WSB2: variants seen among roughly 807,000 people sequenced by gnomAD.
WSB2 encodes WD repeat and SOCS box containing 2, also known as WD repeat and SOCS box-containing protein 2.
WSB2 carries 12 observed loss-of-function variants against 48.8 expected under a neutral mutation model. That is an observed-to-expected ratio of 0.25 (90% CI 0.16 to 0.40). WSB2 has a LOEUF of 0.40. WSB2 is among the 10% of genes least tolerant of loss of function. WSB2 has a pLI of 1.00. For synonymous variants in WSB2, 191 were observed against 203.1 expected, an observed-to-expected ratio of 0.94 and a Z score of 0.51; for missense variants, 317 against 506.2, an observed-to-expected ratio of 0.63 and a Z score of 3.59.
intron 8 of WSB2, chr12:118,034,584 T>TCTCTCTCTCTCTCTCTCTCTC: frequency 3.8e-6 from 2 of 521,410 alleles, no homozygotes; most frequent in Non-Finnish European, 3.3e-6. Flanking sequence ...GCTCTCTCTG[T>TCTCTCTCTCTCTCTCTCTCTC]CTCTCTCTCG....
intron 3 of WSB2, 54 bp downstream of exon 3, chr12:118,043,079 T>C: frequency 1.2e-6 from 2 of 1,613,828 alleles, no homozygotes; most frequent in Non-Finnish European, 1.7e-6. Flanking sequence ...GGCGACATAG[T>C]CAGAACATGC....
intron 4 of WSB2, among the ~76,000 whole-genome samples, chr12:118,040,670 A>AG (rs1566137498): frequency 6.6e-6 from 1 of 151,002 alleles, no homozygotes; most frequent in African/African-American, 2.4e-5. Flanking sequence ...AAAAAAAAAA[A>AG]GAGGCACTGC....
chr12:118,042,529 AT>A (rs1250559622), intron 4 of WSB2: 6 of 258,660 alleles, frequency 2.3e-5, no homozygotes, highest in Non-Finnish European at 3.7e-5. Context: ...AGCCAAAAAA[AT>A]CTTAACATTT....
intron 1 of WSB2, among the ~76,000 whole-genome samples, chr12:118,053,276 C>T (rs1196634162): frequency 6.6e-6 from 1 of 152,158 alleles, no homozygotes; most frequent in Non-Finnish European, 1.5e-5. Context: ...GCAGGCCACA[C>T]TCTGGCCACA....
At chr12:118,055,911 G>GT (rs11308776) in intron 1 of WSB2, among the ~76,000 whole-genome samples, 691 of 144,964 alleles carry the variant, frequency 4.8e-3, no homozygotes, top group Non-Finnish European at 6.3e-3. Context: ...CACCACGTCT[G>GT]TTTTTTTTTT....
At chr12:118,050,098 G>T (rs1338520776) in intron 2 of WSB2, among the ~76,000 whole-genome samples, 1 of 152,100 alleles carries the variant, frequency 6.6e-6, no homozygotes, top group Non-Finnish European at 1.5e-5. Context: ...TACTCAGGAG[G>T]CTGAGGCAGG....
chr12:118,060,475 A>G lies in WSB2; in HGVS notation c.13+561T>C, dbSNP rs1566145104. Reference sequence around the variant, plus strand: ...TGGGAATAGATTGTTTCAATAGGGAACCCAGACCCCAGACCCCATTTTTAC... The same window carrying G: ...TGGGAATAGATTGTTTCAATAGGGAGCCCAGACCCCAGACCCCATTTTTAC... On this transcript the variant is annotated intron_variant, in intron 1 of 8. Coordinates refer to ENST00000315436, the MANE Select transcript of WSB2 (RefSeq NM_018639.5). This position sits in a 1 kb window ranked among gnomAD's most constrained non-coding sequence, Gnocchi z 4.1. Among the ~76,000 whole-genome samples the G allele has an allele frequency of 1.3e-5, 2 of 152,060 alleles. No individual in the cohort carries two copies. The highest frequency in any genetic ancestry group is 2.9e-5 in the Non-Finnish European group (2 of 67,988).
intron 1 of WSB2, among the ~76,000 whole-genome samples, chr12:118,058,463 C>T (rs1407767904): frequency 6.6e-6 from 1 of 151,876 alleles, no homozygotes; most frequent in East Asian, 1.9e-4. Flanking sequence ...ATCCTCCCAT[C>T]TCAGCCTCCC....
At chr12:118,061,425 G>A (rs1236740468), upstream of WSB2, among the ~76,000 whole-genome samples, 1 of 149,964 alleles carries the variant, frequency 6.7e-6, no homozygotes, top group African/African-American at 2.5e-5. Flanking sequence ...ACGGGGTGGG[G>A]CGCGAACGGG....
Position 118,036,321 on chromosome 12 carries a change from A to G in WSB2, c.833+17T>C. On this transcript the variant is annotated intron_variant, in intron 6 of 8. Transcript: ENST00000315436. Reference sequence around the variant, plus strand: ...AGTCCCCCCACAAAAAAGTCATAGCAGGGATTCAGTCCTTACTGGAGTGAC... The same window carrying G: ...AGTCCCCCCACAAAAAAGTCATAGCGGGGATTCAGTCCTTACTGGAGTGAC... The G allele has an allele frequency of 1.9e-6, 3 of 1,606,014 alleles. No individual in the cohort carries two copies. Among genetic ancestry groups the G allele is most frequent in the Non-Finnish European group, 2.6e-6 (3 of 1,174,484 alleles).
chr12:118,037,701 A>T (rs903307572), intron 5 of WSB2, among the ~76,000 whole-genome samples: 1 of 151,920 alleles, frequency 6.6e-6, no homozygotes, highest in Non-Finnish European at 1.5e-5. Context: ...AAGAAAAGAA[A>T]ACCCTCCAAA....
chr12:118,038,461 G>C, intron 4 of WSB2, 73 bp from the exon 5 acceptor site: 1 of 1,431,150 alleles, frequency 7.0e-7, no homozygotes, highest in Non-Finnish European at 9.7e-7. Context: ...GGAGAACTGG[G>C]GTGGTAACAG....
At chr12:118,036,305 AC>A (rs1348925676) in intron 6 of WSB2, 32 bp downstream of exon 6, 1 of 1,599,100 alleles carries the variant, frequency 6.3e-7, no homozygotes, top group South Asian at 1.1e-5. Context: ...CAGTCCCCCC[AC>A]AAAAAAGTCA....
intron 2 of WSB2, among the ~76,000 whole-genome samples, chr12:118,047,379 T>C (rs2031765963): frequency 1.3e-5 from 2 of 152,134 alleles, no homozygotes; most frequent in East Asian, 1.9e-4. Flanking sequence ...GCAAGACAGA[T>C]TCATTGGCAG....
In WSB2 at chr12:118,034,009, A is replaced by T; in HGVS notation, c.*187T>A. On this transcript the variant is annotated 3_prime_UTR_variant, in exon 9 of 9. Transcript: ENST00000315436. Reference sequence around the variant, plus strand: ...AGTGGAATCTCTTCCTCTAAGACTGACTTTCACATGCCAGGGAGAGAAAGA... The same window carrying T: ...AGTGGAATCTCTTCCTCTAAGACTGTCTTTCACATGCCAGGGAGAGAAAGA... The T allele has an allele frequency of 1.3e-6, 1 of 754,970 alleles. No individual in the cohort carries two copies. Among genetic ancestry groups the T allele is most frequent in the Non-Finnish European group, 2.1e-6 (1 of 470,144 alleles). The allele number at this position is 754,970 out of a possible 1,614,324, so 46.8% of individuals were successfully genotyped here.
intron 1 of WSB2, among the ~76,000 whole-genome samples, chr12:118,056,877 G>A (rs1372951395): frequency 6.6e-6 from 1 of 152,034 alleles, no homozygotes; most frequent in African/African-American, 2.4e-5. Flanking sequence ...CTCCAGCCTG[G>A]GTGACAGAGC....
chr12:118,034,170 C>A lies in WSB2; in HGVS notation c.*26G>T. The A allele has an allele frequency of 6.2e-7, 1 of 1,613,620 alleles. No homozygotes were observed. Among genetic ancestry groups the A allele is most frequent in the Non-Finnish European group, 8.5e-7 (1 of 1,179,660 alleles). ...TTTGACAGGACGATTTACCCTGCTA[C>A]AAAGAAGCACAAGATGTGGTGTTGC... is the stretch of plus-strand genomic sequence containing the variant. On this transcript the variant is annotated 3_prime_UTR_variant, in exon 9 of 9. Transcript: ENST00000315436.
At chr12:118,040,894 A>G (rs1322956235) in intron 4 of WSB2, among the ~76,000 whole-genome samples, 1 of 152,168 alleles carries the variant, frequency 6.6e-6, no homozygotes, top group Non-Finnish European at 1.5e-5. Context: ...CTAAAAATAC[A>G]AAACATTAGC....
intron 2 of WSB2, among the ~76,000 whole-genome samples, chr12:118,048,789 AT>A (rs1246618670): frequency 6.6e-6 from 1 of 152,160 alleles, no homozygotes; most frequent in Non-Finnish European, 1.5e-5. Flanking sequence ...TAGGATTTAA[AT>A]TTATGGTTTG....
Sources: gnomAD v4.1 joint callset for allele counts (sites outside exome capture counted in the v4.1 genomes callset) on GRCh38, gnomAD v4.1.1 for gene constraint, Gnocchi (gnomAD v3.1) non-coding constraint, MANE v1.5 for transcripts, NCBI Gene and HGNC (gene_info 2026-07-23, HGNC 2026-07-21) for gene names.